CLSTN1: variants seen among roughly 807,000 people sequenced by gnomAD.
CLSTN1 encodes calsyntenin 1.
CLSTN1 carries 28 observed loss-of-function variants against 108.3 expected under a neutral mutation model. The ratio of observed to expected loss-of-function variants is 0.26; its 90% CI spans 0.19 to 0.35. The LOEUF (loss-of-function observed/expected upper bound fraction) is 0.35. Ranked by LOEUF, CLSTN1 falls within the 10% of genes least tolerant of loss-of-function variation. CLSTN1 has a pLI of 1.00. For missense variants in CLSTN1, 1,157 were observed against 1,302.6 expected, an observed-to-expected ratio of 0.89 and a Z score of 1.72; for synonymous variants, 524 against 534.9, an observed-to-expected ratio of 0.98 and a Z score of 0.28.
At chr1:9,731,067 A>C in intron 18 of CLSTN1, 139 bp downstream of exon 18, 1 of 1,005,964 alleles carries the variant, frequency 9.9e-7, no homozygotes, top group East Asian at 2.4e-5. Context: ...TTACCCACGA[A>C]GACACCTAAG....
At position 9,732,771 on chromosome 1, in the gene CLSTN1, G is replaced by A. The variant is rs1027623495; in HGVS notation, c.2427+630C>T. On this transcript the variant is annotated intron_variant, in intron 16 of 18. Coordinates refer to ENST00000377298, the MANE Select transcript of CLSTN1 (RefSeq NM_001009566.3). ...CGCCAGCCTCAGCAGCACTGGTCCTGCCCGTGCGGGTCCCTGCGTGAGCCC... is the reference window on the plus strand; with the variant it reads ...CGCCAGCCTCAGCAGCACTGGTCCTACCCGTGCGGGTCCCTGCGTGAGCCC... Among the ~76,000 whole-genome samples the A allele has an allele frequency of 3.3e-5, 5 of 152,240 alleles. No individual in the cohort carries two copies. The East Asian group carries it at 9.6e-4, about 29-fold the overall frequency.
At chr1:9,817,622 C>T (rs1229266035) in intron 1 of CLSTN1, among the ~76,000 whole-genome samples, 1 of 152,146 alleles carries the variant, frequency 6.6e-6, no homozygotes, top group Non-Finnish European at 1.5e-5. Context: ...GCCACTGCAC[C>T]CAGCCAACTT....
At position 9,749,759 on chromosome 1, in the gene CLSTN1, C is replaced by A; in HGVS notation, c.799+5G>T. Reference sequence around the variant, plus strand: ...TGTGAGCGCAGGGGAGAGAATGAAGCTCACCTTGCCACCCAGGGGTGCAGG... The same window carrying A: ...TGTGAGCGCAGGGGAGAGAATGAAGATCACCTTGCCACCCAGGGGTGCAGG... On this transcript the variant is annotated splice_donor_5th_base_variant and intron_variant, in intron 6 of 18. Coordinates refer to ENST00000377298, the MANE Select transcript of CLSTN1 (RefSeq NM_001009566.3). 2 of 1,613,958 alleles carry A rather than the reference C, an allele frequency of 1.2e-6. No individual in the cohort carries two copies. The highest frequency in any genetic ancestry group is 1.7e-6 in the Non-Finnish European group (2 of 1,179,952).
At chr1:9,783,148 G>C (rs1369484340) in intron 1 of CLSTN1, among the ~76,000 whole-genome samples, 1 of 152,236 alleles carries the variant, frequency 6.6e-6, no homozygotes, top group African/African-American at 2.4e-5. Context: ...TACACGAACA[G>C]TTCCTTTCCG....
intron 1 of CLSTN1, among the ~76,000 whole-genome samples, chr1:9,807,038 T>C (rs1432121570): frequency 1.3e-5 from 2 of 151,922 alleles, no homozygotes; most frequent in Non-Finnish European, 2.9e-5. Flanking sequence ...CAGCATTGCC[T>C]AAAGTGTGTT....
intron 1 of CLSTN1, among the ~76,000 whole-genome samples, chr1:9,805,899 A>G (rs1181428792): frequency 2.0e-5 from 3 of 151,242 alleles, no homozygotes; most frequent in Admixed American, 2.0e-4. Flanking sequence ...TATTTAAGTC[A>G]CCATGCAATG....
rs1655284681 is a variant in CLSTN1, at chr1:9,823,743, G to A, written c.-10C>T. ...CGGGGCGGCGCAGCATCGCCAGCCC[G>A]GGGCGGGAGCGGCAGGGAGGCGCGC... On this transcript the variant is annotated 5_prime_UTR_variant, in exon 1 of 19. Transcript: ENST00000377298. This position sits in a 1 kb window ranked among gnomAD's most constrained non-coding sequence, Gnocchi z 6.3. 2 of 1,045,130 alleles carry A rather than the reference G, an allele frequency of 1.9e-6. No individual in the cohort carries two copies. The highest frequency in any genetic ancestry group is 3.4e-5 in the African/African-American group (2 of 58,354). 64.7% of individuals were successfully genotyped at this position (1,045,130 alleles called of 1,614,324 possible).
In CLSTN1 at chr1:9,823,718, C is replaced by T; in HGVS notation, c.16G>A (p.Ala6Thr). Reference sequence around the variant, plus strand: ...CGGGCGGCCGGGGCCAGCGCGGGAGCGGGGCGGCGCAGCATCGCCAGCCCG... The same window carrying T: ...CGGGCGGCCGGGGCCAGCGCGGGAGTGGGGCGGCGCAGCATCGCCAGCCCG... MLRRP[A>T]PALAPAARLL... The change falls in exon 1 of 19, where the codon GCT (alanine) becomes ACT (threonine). Residue 6 changes from alanine to threonine, a missense_variant. Ala to Thr is a moderately conservative substitution (Grantham distance 58). Transcript: ENST00000377298. The surrounding 1 kb of genome is among the most constrained non-coding windows in gnomAD (Gnocchi z 6.3). The T allele has an allele frequency of 9.2e-7, 1 of 1,089,792 alleles. No homozygotes were observed. The highest frequency in any genetic ancestry group is 1.1e-6 in the Non-Finnish European group (1 of 898,250). 67.5% of individuals were successfully genotyped at this position (1,089,792 alleles called of 1,614,324 possible).
intron 2 of CLSTN1, among the ~76,000 whole-genome samples, 181 bp from the exon 3 acceptor site, chr1:9,756,691 C>G (rs1161809701): frequency 6.6e-6 from 1 of 152,206 alleles, no homozygotes; most frequent in Non-Finnish European, 1.5e-5. Context: ...TTGAATCCAA[C>G]TTACCATGAA....
chr1:9,823,633 CG>C lies in CLSTN1; in HGVS notation c.91+9del. ...CCGACCCAGCGGCCCGGCCCAGCCC[CG>C]GGGCTTACCTCGCGCGGCCCAGACC... On this transcript the variant is annotated intron_variant, in intron 1 of 18. Transcript: ENST00000377298. This position sits in a 1 kb window ranked among gnomAD's most constrained non-coding sequence, Gnocchi z 6.3. 1 of 1,179,054 alleles carries C rather than the reference CG, an allele frequency of 8.5e-7. No homozygotes were observed. 73.0% of individuals were successfully genotyped at this position (1,179,054 alleles called of 1,614,324 possible).
chr1:9,735,711 C>T (rs1291817325), intron 12 of CLSTN1, 96 bp from the exon 13 acceptor site: 9 of 1,539,302 alleles, frequency 5.8e-6, no homozygotes, highest in Non-Finnish European at 7.9e-6. Flanking sequence ...GGCCTGGGTT[C>T]GATTTGAATT....
rs1392139708 is a variant in CLSTN1, at chr1:9,761,362, G to A, written c.215-4852C>T. Among the ~76,000 whole-genome samples, 7 of 152,114 alleles carry A rather than the reference G, an allele frequency of 4.6e-5. No homozygotes were observed. In the East Asian group the frequency reaches 1.2e-3, roughly 25 times the overall value. On this transcript the variant is annotated intron_variant, in intron 2 of 18. Coordinates refer to ENST00000377298, the MANE Select transcript of CLSTN1 (RefSeq NM_001009566.3). Reference sequence around the variant, plus strand: ...ACAAAAATTAGCTGGGAGTGGTGGCGTGTGCCTGAGGTCCCGGCTACTTGG... The same window carrying A: ...ACAAAAATTAGCTGGGAGTGGTGGCATGTGCCTGAGGTCCCGGCTACTTGG...
rs117687355 is a variant in CLSTN1, at chr1:9,794,427, A to G, written c.92-21033T>C. On this transcript the variant is annotated intron_variant, in intron 1 of 18. Coordinates refer to ENST00000377298, the MANE Select transcript of CLSTN1 (RefSeq NM_001009566.3). ...AGGCTCAAGCAGTTCTCCTGCCTCA[A>G]CCTCCCAAGTAGCTGAGATCACAGG... 9.5e-3 allele frequency among the ~76,000 whole-genome samples: 1,439 copies of G among 151,226 alleles called. 53 individuals carry two copies. Among genetic ancestry groups the G allele is most frequent in the East Asian group, 0.047 (236 of 5,024 alleles).
At chr1:9,798,702 C>A (rs771025955) in intron 1 of CLSTN1, among the ~76,000 whole-genome samples, 26 of 152,112 alleles carry the variant, frequency 1.7e-4, no homozygotes, top group Non-Finnish European at 3.5e-4. Context: ...GTACTAAATG[C>A]CACTGGATTG....
chr1:9,790,391 A>T (rs2101223024), intron 1 of CLSTN1, among the ~76,000 whole-genome samples: 1 of 151,568 alleles, frequency 6.6e-6, no homozygotes, highest in Non-Finnish European at 1.5e-5. Flanking sequence ...ATTAATTGGT[A>T]TGCTGTGACT....
intron 1 of CLSTN1, among the ~76,000 whole-genome samples, chr1:9,802,883 GAC>G (rs1427452744): frequency 3.7e-4 from 53 of 144,188 alleles, no homozygotes; most frequent in Non-Finnish European, 9.0e-5. Flanking sequence ...GGAGTGCAGT[GAC>G]ACAATCAGGG....
intron 1 of CLSTN1, among the ~76,000 whole-genome samples, chr1:9,797,112 C>G (rs1654043789): frequency 6.6e-6 from 1 of 152,162 alleles, no homozygotes; most frequent in African/African-American, 2.4e-5. Flanking sequence ...ATGCTAGCCC[C>G]ATGCTACTCC....
In CLSTN1 at chr1:9,811,503, C is replaced by A. The variant is rs545280165; in HGVS notation, c.91+12140G>T. On this transcript the variant is annotated intron_variant, in intron 1 of 18. Coordinates refer to ENST00000377298, the MANE Select transcript of CLSTN1 (RefSeq NM_001009566.3). ...AAGCTCTGACCTTGCCAACTTAGGG[C>A]TTTATAATCAGTCAGGATTATCAAG... Among the ~76,000 whole-genome samples the A allele has an allele frequency of 2.0e-5, 3 of 148,634 alleles. No individual in the cohort carries two copies. The South Asian group carries it at 6.9e-4, about 34-fold the overall frequency.
At chr1:9,767,576 C>A (rs189321265) in intron 2 of CLSTN1, among the ~76,000 whole-genome samples, 2 of 150,684 alleles carry the variant, frequency 1.3e-5, no homozygotes, top group Non-Finnish European at 2.9e-5. Flanking sequence ...TGAAAAGAAT[C>A]GGAGAAAGTA....
Sources: allele counts gnomAD v4.1 joint callset (sites outside exome capture counted in the v4.1 genomes callset), GRCh38; gene constraint gnomAD v4.1.1; non-coding constraint Gnocchi (gnomAD v3.1); transcripts MANE v1.5; gene names NCBI Gene and HGNC (gene_info 2026-07-23, HGNC 2026-07-21).